Variants in CUX1 observed in about 807,000 individuals in gnomAD.
The protein encoded by CUX1 is protein CASP.
CUX1 carries 31 observed loss-of-function variants against 158.8 expected under a neutral mutation model. The observed-to-expected ratio is 0.20, with a 90% CI of 0.15 to 0.26. The LOEUF (loss-of-function observed/expected upper bound fraction) is 0.26. Among genes scored for constraint, CUX1 ranks in the 10% least tolerant of loss-of-function variants. The probability of loss-of-function intolerance (pLI) is 1.00; values close to 1 mark genes in which losing one functional copy is unlikely to be tolerated. For synonymous variants in CUX1, 879 were observed against 862.1 expected, an observed-to-expected ratio of 1.02 and a Z score of -0.34; for missense variants, 1,589 against 2,014.6, an observed-to-expected ratio of 0.79 and a Z score of 4.04.
intron 9 of CUX1, among the ~76,000 whole-genome samples, chr7:102,165,407 C>A (rs2131630343): frequency 7.5e-6 from 1 of 132,844 alleles, no homozygotes; most frequent in African/African-American, 2.9e-5. Flanking sequence ...GGCTGGAGTT[C>A]AGTGGCGTGA....
chr7:101,931,404 C>T (rs954815136), intron 2 of CUX1, among the ~76,000 whole-genome samples: 1 of 152,172 alleles, frequency 6.6e-6, no homozygotes, highest in African/African-American at 2.4e-5. Flanking sequence ...TGAGCACTTA[C>T]TGCATATCCA....
intron 5 of CUX1, among the ~76,000 whole-genome samples, chr7:102,100,731 C>G (rs1185390921): frequency 6.6e-6 from 1 of 151,850 alleles, no homozygotes; most frequent in Non-Finnish European, 1.5e-5. Context: ...CTTTGGGAGA[C>G]CAAGTCGGGA....
At chr7:102,162,563 C>T (rs1554507503) in intron 9 of CUX1, among the ~76,000 whole-genome samples, 2 of 151,972 alleles carry the variant, frequency 1.3e-5, no homozygotes, top group African/African-American at 2.4e-5. Context: ...AGGCATATGG[C>T]ACCACGCATG....
chr7:101,871,744 G>A (rs1236498006), intron 1 of CUX1, among the ~76,000 whole-genome samples: 5 of 152,176 alleles, frequency 3.3e-5, no homozygotes, highest in African/African-American at 1.2e-4. Flanking sequence ...TGGGCCGGGT[G>A]CCGTGGCTCT....
chr7:102,277,665 A>T (rs1395923387), intron 17 of CUX1, among the ~76,000 whole-genome samples: 4 of 152,208 alleles, frequency 2.6e-5, no homozygotes, highest in Admixed American at 6.5e-5. Flanking sequence ...TTGCTCTGTC[A>T]TATATTAAGG....
chr7:102,243,984 G>A (rs1021648187), intron 23 of CUX1, among the ~76,000 whole-genome samples: 5 of 152,038 alleles, frequency 3.3e-5, no homozygotes, highest in African/African-American at 4.8e-5. Context: ...CCGAGATCAC[G>A]CCATTGCACT....
chr7:102,132,472 C>A (rs1711746257), intron 8 of CUX1, among the ~76,000 whole-genome samples: 1 of 151,790 alleles, frequency 6.6e-6, no homozygotes, highest in Admixed American at 6.6e-5. Flanking sequence ...GTAACTTCCC[C>A]CTTCCCTATA....
At chr7:102,119,586 A>G (rs1366913105) in intron 8 of CUX1, among the ~76,000 whole-genome samples, 1 of 152,270 alleles carries the variant, frequency 6.6e-6, no homozygotes, top group East Asian at 1.9e-4. Flanking sequence ...ACAAATGGCA[A>G]GCACAGTTTA....
At chr7:102,155,655 C>T (rs57242832) in intron 8 of CUX1, among the ~76,000 whole-genome samples, 10,424 of 151,914 alleles carry the variant, frequency 0.069, 506 homozygotes, top group African/African-American at 0.13. Flanking sequence ...TTCAACAGGG[C>T]GTCAAGGTAG....
upstream of CUX1, chr7:101,816,125 G>C: frequency 1.6e-6 from 2 of 1,264,492 alleles, no homozygotes; most frequent in East Asian, 5.7e-5. Context: ...CCTCGCGCCC[G>C]GGGGTGGGGG....
intron 1 of CUX1, among the ~76,000 whole-genome samples, chr7:101,882,668 G>A (rs556907373): frequency 4.9e-4 from 74 of 152,286 alleles, no homozygotes; most frequent in Admixed American, 2.9e-3. Context: ...TCTGCACATA[G>A]TAGTAGGTAC....
chr7:101,817,747 C>A lies in CUX1; in HGVS notation c.30+78C>A. ...GGGATGTCGGGGGGTGCCCGGGTCC[C>A]GCGGCTTAGAATGCTCTAGGGCGGC... On this transcript the variant is annotated intron_variant, in intron 1 of 23. Coordinates refer to ENST00000292535, the MANE Select transcript of CUX1 (RefSeq NM_181552.4). This position sits in a 1 kb window ranked among gnomAD's most constrained non-coding sequence, Gnocchi z 4.1. 1 of 1,523,154 alleles carries A rather than the reference C, an allele frequency of 6.6e-7. No individual in the cohort carries two copies. The highest frequency in any genetic ancestry group is 8.8e-7 in the Non-Finnish European group (1 of 1,131,622). The allele number at this position is 1,523,154 out of a possible 1,614,324, so 94.4% of individuals were successfully genotyped here.
intron 2 of CUX1, among the ~76,000 whole-genome samples, chr7:102,008,813 C>A (rs1817671118): frequency 6.6e-6 from 1 of 152,176 alleles, no homozygotes; most frequent in Non-Finnish European, 1.5e-5. Context: ...ACAGCACAGT[C>A]ATGGTGAATC....
At chr7:102,111,992 T>G (rs1249683146) in intron 7 of CUX1, 1 of 501,252 alleles carries the variant, frequency 2.0e-6, no homozygotes, top group Non-Finnish European at 3.6e-6. Flanking sequence ...TGGGAGGATC[T>G]CGATTCCATT....
chr7:101,846,579 C>T (rs1463339940), intron 1 of CUX1, among the ~76,000 whole-genome samples: 1 of 152,206 alleles, frequency 6.6e-6, no homozygotes, highest in Non-Finnish European at 1.5e-5. Flanking sequence ...TCTCCCACCT[C>T]AGCTTCCCAA....
At chr7:102,244,330 CA>C (rs11394338) in intron 23 of CUX1, among the ~76,000 whole-genome samples, 1 of 150,120 alleles carries the variant, frequency 6.7e-6, no homozygotes, top group African/African-American at 2.4e-5. Flanking sequence ...TTTGCCCCCT[CA>C]AAAAAAAAAC....
At chr7:102,261,166 T>C (rs1361065576), downstream of CUX1, among the ~76,000 whole-genome samples, 8 of 152,168 alleles carry the variant, frequency 5.3e-5, no homozygotes, top group African/African-American at 1.9e-4. Flanking sequence ...AGTTCCTGTC[T>C]TTTCCAAGAA....
chr7:102,254,149 T>A lies in CUX1; in HGVS notation c.*5107T>A. On this transcript the variant is annotated 3_prime_UTR_variant, in exon 24 of 24. Transcript: ENST00000292535. ...CACACGGATGTTTCCCTTCCACCTG[T>A]TCCCAAAGCTCCAGCAGCTGTTTCT... The A allele has an allele frequency of 1.0e-6, 1 of 985,456 alleles. No homozygotes were observed. The highest frequency in any genetic ancestry group is 1.2e-6 in the Non-Finnish European group (1 of 829,966). 61.0% of individuals were successfully genotyped at this position (985,456 alleles called of 1,614,324 possible). A position where few individuals can be genotyped will look rare whatever the true frequency, so the allele number is the denominator to read the frequency against.
intron 2 of CUX1, among the ~76,000 whole-genome samples, chr7:101,980,678 C>T (rs1813319375): frequency 6.6e-6 from 1 of 152,194 alleles, no homozygotes; most frequent in Admixed American, 6.5e-5. Context: ...GTGACATAAA[C>T]CACCTTCTTC....
Sources: gnomAD v4.1 joint callset for allele counts (sites outside exome capture counted in the v4.1 genomes callset) on GRCh38, gnomAD v4.1.1 for gene constraint, Gnocchi (gnomAD v3.1) non-coding constraint, MANE v1.5 for transcripts, NCBI Gene and HGNC (gene_info 2026-07-23, HGNC 2026-07-21) for gene names.